The following TBCK variants were observed in gnomAD, a reference collection of about 807,000 sequenced individuals.
TBCK encodes TBC1 domain containing kinase, also known as TBC domain-containing protein kinase-like protein.
In TBCK, 99 loss-of-function variants were observed where a neutral mutation model predicts 113.4. The ratio of observed to expected loss-of-function variants is 0.87; its 90% CI spans 0.74 to 1.03. The LOEUF (loss-of-function observed/expected upper bound fraction) is 1.03. Among genes scored for constraint, TBCK ranks in the 50% least tolerant of loss-of-function variants. The pLI is 0.00. For synonymous variants in TBCK, 369 were observed against 370.8 expected (o/e 1.00, Z 0.05); for missense variants, 1,045 against 1,061.3 (o/e 0.98, Z 0.21).
chr4:106,133,612 C>T (rs1311285624), intron 23 of TBCK, among the ~76,000 whole-genome samples: 1 of 152,130 alleles, frequency 6.6e-6, no homozygotes, highest in African/African-American at 2.4e-5. Flanking sequence ...ATTGGTAAGG[C>T]CTACTCTACC....
chr4:106,227,932 T>C (rs952416477), intron 19 of TBCK, among the ~76,000 whole-genome samples: 1 of 152,006 alleles, frequency 6.6e-6, no homozygotes, highest in African/African-American at 2.4e-5. Context: ...TAGCACTTAT[T>C]GAATATTTCT....
upstream of TBCK, chr4:106,316,575 C>A: frequency 3.2e-6 from 5 of 1,551,572 alleles, no homozygotes; most frequent in East Asian, 4.9e-5. Flanking sequence ...TGTCTCGGAA[C>A]CCGTGGTCCT....
Position 106,242,513 on chromosome 4 carries a change from A to G in TBCK, c.1127T>C (p.Leu376Ser). Reference protein sequence around the residue: ...FGQGRDRSSLLDDTTVTLSLC... With the variant: ...FGQGRDRSSLSDDTTVTLSLC... ...CGACAATGTCACAGTGGTATCATCT[A>G]AAAGCGAGCTTCTATCTCGACCTTG... The change falls in exon 12 of 26, where the codon TTA (leucine) becomes TCA (serine). Residue 376 changes from leucine (L) to serine (S), a missense_variant. Transcript: ENST00000394708. The G allele has an allele frequency of 1.2e-6, 2 of 1,609,690 alleles. No individual in the cohort carries two copies. The highest frequency in any genetic ancestry group is 1.7e-6 in the Non-Finnish European group (2 of 1,177,930).
intron 3 of TBCK, among the ~76,000 whole-genome samples, chr4:106,286,161 G>A (rs1765087117): frequency 6.6e-6 from 1 of 152,084 alleles, no homozygotes; most frequent in Admixed American, 6.5e-5. Flanking sequence ...TTACACAAAT[G>A]CTTAAATACA....
intron 25 of TBCK, among the ~76,000 whole-genome samples, chr4:106,085,271 AAAAACAAAAC>A (rs140682905): frequency 7.1e-4 from 107 of 150,106 alleles, no homozygotes; most frequent in Admixed American, 3.4e-3. Context: ...AAATGGAAAG[AAAAACAAAAC>A]AAAACAAAAC....
At chr4:106,208,660 TG>T (rs758748463) in intron 20 of TBCK, among the ~76,000 whole-genome samples, 4 of 152,036 alleles carry the variant, frequency 2.6e-5, no homozygotes, top group Non-Finnish European at 5.9e-5. Context: ...ACCTTATTCT[TG>T]GACATGGGAA....
chr4:106,202,927 A>C (rs1183714212), intron 20 of TBCK, among the ~76,000 whole-genome samples: 2 of 152,128 alleles, frequency 1.3e-5, no homozygotes, highest in Non-Finnish European at 2.9e-5. Flanking sequence ...TTTTTGATAC[A>C]GTTTAAGCAA....
intron 23 of TBCK, among the ~76,000 whole-genome samples, chr4:106,169,717 C>A (rs578115209): frequency 2.6e-4 from 40 of 152,112 alleles, no homozygotes; most frequent in African/African-American, 8.9e-4. Context: ...ATTATTATTA[C>A]ATCATAATAT....
At chr4:106,220,040 C>T (rs757675601) in intron 19 of TBCK, among the ~76,000 whole-genome samples, 24 of 152,148 alleles carry the variant, frequency 1.6e-4, no homozygotes, top group Non-Finnish European at 2.6e-4. Context: ...GACAGTCCAT[C>T]AGTACAAGTA....
intron 25 of TBCK, among the ~76,000 whole-genome samples, chr4:106,093,623 TAC>T (rs1345884752): frequency 2.6e-5 from 4 of 152,210 alleles, no homozygotes; most frequent in African/African-American, 9.6e-5. Context: ...ATCTGACTTT[TAC>T]AGTTTTAAAT....
intron 20 of TBCK, 50 bp downstream of exon 20, chr4:106,212,700 T>A (rs1312988307): frequency 7.3e-7 from 1 of 1,362,790 alleles, no homozygotes; most frequent in Non-Finnish European, 1.0e-6. Context: ...GCTAATAATT[T>A]CTGCTTTTTT....
chr4:106,107,490 A>G (rs1742301839), intron 24 of TBCK, among the ~76,000 whole-genome samples: 1 of 152,208 alleles, frequency 6.6e-6, no homozygotes, highest in African/African-American at 2.4e-5. Context: ...AAATCACTCA[A>G]AATCATACAA....
intron 25 of TBCK, among the ~76,000 whole-genome samples, chr4:106,060,379 A>G (rs1219855735): frequency 6.6e-6 from 1 of 151,750 alleles, no homozygotes; most frequent in Non-Finnish European, 1.5e-5. Context: ...CTCACTGACC[A>G]TTCCAAAATC....
chr4:106,079,487 C>CA (rs1738611319), intron 25 of TBCK, among the ~76,000 whole-genome samples: 1 of 152,046 alleles, frequency 6.6e-6, no homozygotes, highest in Non-Finnish European at 1.5e-5. Flanking sequence ...AATAAATGTA[C>CA]AAAAATAAGT....
At chr4:106,058,485 G>C (rs1419734420) in intron 25 of TBCK, among the ~76,000 whole-genome samples, 1 of 151,670 alleles carries the variant, frequency 6.6e-6, no homozygotes, top group African/African-American at 2.4e-5. Flanking sequence ...GAGTTGTTAA[G>C]GAAGACTTCC....
intron 22 of TBCK, among the ~76,000 whole-genome samples, chr4:106,184,755 G>T (rs1180869197): frequency 6.6e-6 from 1 of 151,980 alleles, no homozygotes; most frequent in Non-Finnish European, 1.5e-5. Context: ...TTCAACTCTG[G>T]TATATGTGCA....
chr4:106,208,097 A>G (rs993387998), intron 20 of TBCK, among the ~76,000 whole-genome samples: 2 of 152,202 alleles, frequency 1.3e-5, no homozygotes, highest in Admixed American at 6.5e-5. Context: ...TATCCCACAA[A>G]GAATTACTTC....
chr4:106,194,623 C>G (rs1470841365), intron 21 of TBCK, 95 bp downstream of exon 21: 1 of 950,458 alleles, frequency 1.1e-6, no homozygotes, highest in African/African-American at 1.7e-5. Context: ...CTTACTAAAT[C>G]TGCTCAATGT....
rs1219183691 is a variant in TBCK, at chr4:106,042,986, T to A, written c.*3584A>T. ...TTGAGACGGTCACTTCATAAAGAGG[T>A]CTTAATTAGAACTCCCACCCATAAG... is the stretch of plus-strand genomic sequence containing the variant. On this transcript the variant is annotated 3_prime_UTR_variant, in exon 26 of 26. Coordinates refer to ENST00000394708, the MANE Select transcript of TBCK (RefSeq NM_001163435.3). 3 of 152,072 alleles carry A rather than the reference T, an allele frequency of 2.0e-5. No homozygotes were observed. Among genetic ancestry groups the A allele is most frequent in the Admixed American group, 2.0e-4 (3 of 15,256 alleles). The allele number at this position is 152,072 out of a possible 1,614,324, so 9.4% of individuals were successfully genotyped here.
Sources: gnomAD v4.1 joint callset for allele counts (sites outside exome capture counted in the v4.1 genomes callset) on GRCh38, gnomAD v4.1.1 for gene constraint, MANE v1.5 for transcripts, NCBI Gene and HGNC (gene_info 2026-07-23, HGNC 2026-07-21) for gene names.